Variants in ACSS3 observed in about 807,000 individuals in gnomAD.
ACSS3 encodes acyl-CoA synthetase short chain family member 3, also known as acyl-CoA synthetase short-chain family member 3, mitochondrial.
Under a neutral mutation model 84.2 loss-of-function variants are expected in ACSS3, and 64 were observed. The ratio of observed to expected loss-of-function variants is 0.76; its 90% CI spans 0.62 to 0.94. ACSS3 has a LOEUF of 0.94. Among genes scored for constraint, ACSS3 ranks in the 40% least tolerant of loss-of-function variants. The pLI is 0.00. For synonymous variants in ACSS3, 317 were observed against 310.1 expected, an observed-to-expected ratio of 1.02 and a Z score of -0.23; for missense variants, 815 against 867.6, an observed-to-expected ratio of 0.94 and a Z score of 0.76.
At chr12:81,110,403 A>T (rs1385009006) in intron 2 of ACSS3, among the ~76,000 whole-genome samples, 1 of 152,100 alleles carries the variant, frequency 6.6e-6, no homozygotes, top group Non-Finnish European at 1.5e-5. Context: ...TCTTAGGTGG[A>T]TCATGATATT....
At chr12:81,181,072 A>C (rs1454387011) in intron 8 of ACSS3, among the ~76,000 whole-genome samples, 1 of 152,116 alleles carries the variant, frequency 6.6e-6, no homozygotes, top group African/African-American at 2.4e-5. Context: ...AATAGATATT[A>C]TGCCCTGAAT....
At chr12:81,235,043 TCA>T (rs1477224755) in intron 13 of ACSS3, among the ~76,000 whole-genome samples, 5 of 151,374 alleles carry the variant, frequency 3.3e-5, no homozygotes, top group Non-Finnish European at 7.4e-5. Flanking sequence ...TGTTTTATAT[TCA>T]GTTTTATTGT....
chr12:81,193,714 C>G (rs564135493), intron 8 of ACSS3, among the ~76,000 whole-genome samples: 2 of 152,016 alleles, frequency 1.3e-5, no homozygotes, highest in South Asian at 2.1e-4. Flanking sequence ...ATAAACTAAT[C>G]TCTACAATAT....
chr12:81,133,042 G>A (rs1437729696), intron 2 of ACSS3, among the ~76,000 whole-genome samples: 3 of 151,768 alleles, frequency 2.0e-5, no homozygotes, highest in East Asian at 3.9e-4. Context: ...TTCTGCTAGC[G>A]TCTTTGAAGT....
chr12:81,094,172 C>T, intron 1 of ACSS3, among the ~76,000 whole-genome samples: 1 of 123,848 alleles, frequency 8.1e-6, no homozygotes, highest in African/African-American at 2.8e-5. Flanking sequence ...CTCTCTCTCT[C>T]TGTCTCTCTC....
At chr12:81,083,553 G>T (rs1239945523) in intron 1 of ACSS3, among the ~76,000 whole-genome samples, 1 of 151,522 alleles carries the variant, frequency 6.6e-6, no homozygotes, top group Non-Finnish European at 1.5e-5. Context: ...GTAGATTTGG[G>T]GTTTCACCAT....
chr12:81,230,144 T>G (rs187905334), intron 11 of ACSS3, among the ~76,000 whole-genome samples: 53 of 152,040 alleles, frequency 3.5e-4, no homozygotes, highest in African/African-American at 1.3e-3. Flanking sequence ...TAGTATGTTT[T>G]TATTGTGTAA....
chr12:81,200,939 T>C (rs10746184), intron 9 of ACSS3, among the ~76,000 whole-genome samples: 104,552 of 150,520 alleles, frequency 0.69, 36,679 homozygotes, highest in Non-Finnish European at 0.76. Flanking sequence ...AAAATGTTTT[T>C]TACATCCTTT....
intron 1 of ACSS3, among the ~76,000 whole-genome samples, chr12:81,080,087 C>T (rs1488349462): frequency 2.0e-5 from 3 of 152,044 alleles, no homozygotes; most frequent in Non-Finnish European, 2.9e-5. Flanking sequence ...GTGGCCATCT[C>T]CATTATAAAA....
chr12:81,120,556 A>G (rs1375963306), intron 2 of ACSS3, among the ~76,000 whole-genome samples: 1 of 152,230 alleles, frequency 6.6e-6, no homozygotes, highest in African/African-American at 2.4e-5. Flanking sequence ...AAAGTGGTGC[A>G]AATTAATATA....
chr12:81,146,256 C>T (rs1886336154), intron 5 of ACSS3, among the ~76,000 whole-genome samples: 2 of 152,138 alleles, frequency 1.3e-5, no homozygotes, highest in Admixed American at 6.5e-5. Flanking sequence ...AAGCCAGCTT[C>T]TTGGACACCT....
In ACSS3 at chr12:81,189,960, A is replaced by G. The variant is rs981985812; in HGVS notation, c.1251-9381A>G. 3.3e-5 allele frequency among the ~76,000 whole-genome samples: 5 copies of G among 151,960 alleles called. No individual in the cohort carries two copies. In the South Asian group the frequency reaches 6.2e-4, roughly 19 times the overall value. ...CCTTTTCTCACTGCTGTGCAGCAAC[A>G]CTTTTGTCATGACAGTGCCTACAAA... On this transcript the variant is annotated intron_variant, in intron 8 of 15. Transcript: ENST00000548058.
In ACSS3 at chr12:81,259,123, A is replaced by G. The variant is rs1211174565; in HGVS notation, c.*4201A>G. ...GTTGTTCAGCTTTAAGTATTGACAG[A>G]CTTGAAGGAGAAACACGTTGAAGCA... On this transcript the variant is annotated 3_prime_UTR_variant, in exon 16 of 16. Transcript: ENST00000548058. The G allele has an allele frequency of 5.2e-6, 1 of 190,666 alleles. No individual in the cohort carries two copies. The highest frequency in any genetic ancestry group is 1.1e-5 in the Non-Finnish European group (1 of 92,462). 11.8% of individuals were successfully genotyped at this position (190,666 alleles called of 1,614,324 possible).
intron 9 of ACSS3, among the ~76,000 whole-genome samples, chr12:81,203,719 A>G (rs1169104630): frequency 6.6e-6 from 1 of 152,190 alleles, no homozygotes; most frequent in Non-Finnish European, 1.5e-5. Flanking sequence ...TAATGCTGTC[A>G]TGAAGGAAAT....
intron 9 of ACSS3, among the ~76,000 whole-genome samples, chr12:81,202,103 C>A (rs1460054659): frequency 1.3e-5 from 2 of 151,742 alleles, no homozygotes; most frequent in African/African-American, 2.4e-5. Flanking sequence ...CATGGTGAAA[C>A]CTGTCTCTAC....
At chr12:81,089,962 G>A (rs1881567675) in intron 1 of ACSS3, among the ~76,000 whole-genome samples, 1 of 152,020 alleles carries the variant, frequency 6.6e-6, no homozygotes, top group Non-Finnish European at 1.5e-5. Context: ...ACACTGTAGA[G>A]CCTAATTTCA....
intron 9 of ACSS3, among the ~76,000 whole-genome samples, chr12:81,200,784 T>A (rs745573774): frequency 4.7e-5 from 7 of 150,032 alleles, no homozygotes; most frequent in Non-Finnish European, 1.0e-4. Context: ...GCCTGTAATC[T>A]CAGCTACTCG....
chr12:81,210,988 T>C (rs1169123950), intron 9 of ACSS3, among the ~76,000 whole-genome samples: 1 of 152,196 alleles, frequency 6.6e-6, no homozygotes, highest in Non-Finnish European at 1.5e-5. Context: ...TCCATTGTTG[T>C]TGTTTCGAGA....
intron 1 of ACSS3, 128 bp from the exon 2 acceptor site, chr12:81,109,432 T>C: frequency 1.0e-6 from 1 of 981,268 alleles, no homozygotes; most frequent in Non-Finnish European, 1.5e-6. Context: ...TGTCATTACT[T>C]GACATAGAAT....
Sources: gnomAD v4.1 joint callset for allele counts (sites outside exome capture counted in the v4.1 genomes callset) on GRCh38, gnomAD v4.1.1 for gene constraint, MANE v1.5 for transcripts, NCBI Gene and HGNC (gene_info 2026-07-23, HGNC 2026-07-21) for gene names.